The following ARSG variants were observed in gnomAD, a reference collection of about 807,000 sequenced individuals.
ARSG encodes the protein arylsulfatase G.
Under a neutral mutation model 50.5 loss-of-function variants are expected in ARSG, and 37 were observed. That is an observed-to-expected ratio of 0.73 (90% CI 0.56 to 0.96). The LOEUF (loss-of-function observed/expected upper bound fraction) is 0.96. Among genes scored for constraint, ARSG ranks in the 50% least tolerant of loss-of-function variants. ARSG has a pLI of 0.00. For missense variants in ARSG, 629 were observed against 675.3 expected, an observed-to-expected ratio of 0.93 and a Z score of 0.76; for synonymous variants, 225 against 254.6, an observed-to-expected ratio of 0.88 and a Z score of 1.11.
At chr17:68,437,012 A>ATGTGTG in the ARSG span, among the ~76,000 whole-genome samples, 11 of 82,074 alleles carry the variant, frequency 1.3e-4, no homozygotes, top group African/African-American at 5.3e-4. Context: ...AAAAATATAT[A>ATGTGTG]TATATGTGTG....
At chr17:68,389,489 G>A (rs2080891558) in intron 9 of ARSG, among the ~76,000 whole-genome samples, 1 of 152,116 alleles carries the variant, frequency 6.6e-6, no homozygotes, top group Non-Finnish European at 1.5e-5. Context: ...TTTTCTCGGG[G>A]ATAATGACAG....
At chr17:68,296,505 G>A (rs1407590429) in intron 1 of ARSG, among the ~76,000 whole-genome samples, 4 of 152,142 alleles carry the variant, frequency 2.6e-5, no homozygotes, top group Admixed American at 6.5e-5. Flanking sequence ...GAAACTACAA[G>A]GATGCTGCAG....
chr17:68,436,560 A>G, the ARSG span: 2 of 1,312,632 alleles, frequency 1.5e-6, no homozygotes, highest in South Asian at 2.5e-5. Flanking sequence ...TGAAAACAGT[A>G]CAGCTACAGT....
At chr17:68,424,251 C>T (rs2082997549), downstream of ARSG, among the ~76,000 whole-genome samples, 1 of 152,190 alleles carries the variant, frequency 6.6e-6, no homozygotes, top group African/African-American at 2.4e-5. Context: ...TCTCTGACAA[C>T]CTGCCTATTG....
intron 6 of ARSG, among the ~76,000 whole-genome samples, chr17:68,357,841 A>T (rs912675612): frequency 3.9e-5 from 6 of 152,162 alleles, no homozygotes; most frequent in Non-Finnish European, 7.4e-5. Context: ...ACATCTTTTC[A>T]TTTTACAACA....
chr17:68,331,773 T>G (rs914312035), intron 2 of ARSG, among the ~76,000 whole-genome samples: 9 of 152,054 alleles, frequency 5.9e-5, no homozygotes, highest in Non-Finnish European at 1.3e-4. Flanking sequence ...CAGAGAAATT[T>G]TAAAGCTGGG....
In ARSG at chr17:68,420,271, C is replaced by T. The variant is rs200226454; in HGVS notation, c.1386C>T (p.Thr462=). 1.4e-5 allele frequency: 22 copies of T among 1,613,960 alleles called. No homozygotes were observed. Among genetic ancestry groups the T allele is most frequent in the Middle Eastern group, 1.6e-4 (1 of 6,084 alleles). Residue 462 remains threonine, a synonymous_variant, in exon 12 of 12, where the codon ACC becomes ACT. Transcript: ENST00000621439. ...FPLIFNLEDD[T]AEAVPLERGG... ...TGATTTTCAACCTGGAAGACGATAC[C>T]GCAGAAGCTGTGCCCCTAGAAAGAG...
At chr17:68,299,418 G>A (rs977331804) in intron 1 of ARSG, among the ~76,000 whole-genome samples, 1 of 151,886 alleles carries the variant, frequency 6.6e-6, no homozygotes, top group South Asian at 2.1e-4. Flanking sequence ...AAAATGGAAC[G>A]TTGACACGTA....
rs548452963 is a variant in ARSG, at chr17:68,354,069, T to A, written c.566+2383T>A. Among the ~76,000 whole-genome samples the A allele has an allele frequency of 7.3e-5, 11 of 151,494 alleles. No individual in the cohort carries two copies. In the South Asian group the frequency reaches 2.3e-3, roughly 31 times the overall value. On this transcript the variant is annotated intron_variant, in intron 5 of 11. Transcript: ENST00000621439. ...CAATCCTGTTCCTTCTGTATTTTTT[T>A]ATTTTTATTTTTTAATTTTTAATCT...
chr17:68,340,649 C>G (rs2078228403), intron 2 of ARSG, among the ~76,000 whole-genome samples: 1 of 152,174 alleles, frequency 6.6e-6, no homozygotes, highest in Non-Finnish European at 1.5e-5. Flanking sequence ...GAAGTTGACT[C>G]TTGGGTCTTT....
the ARSG span, among the ~76,000 whole-genome samples, chr17:68,446,724 C>G: frequency 6.6e-6 from 1 of 152,202 alleles, no homozygotes; most frequent in East Asian, 1.9e-4. Flanking sequence ...GCCCCACACC[C>G]AATCCCTGGG....
At chr17:68,316,169 G>A (rs1281873220) in intron 2 of ARSG, among the ~76,000 whole-genome samples, 2 of 152,040 alleles carry the variant, frequency 1.3e-5, no homozygotes, top group Admixed American at 1.3e-4. Flanking sequence ...TCTTATTGGC[G>A]AGGTCTCTCC....
chr17:68,347,708 C>T (rs936504241), intron 4 of ARSG, among the ~76,000 whole-genome samples: 2 of 152,214 alleles, frequency 1.3e-5, no homozygotes, highest in Admixed American at 1.3e-4. Context: ...GTCCAATTCA[C>T]TGAATTACTG....
At chr17:68,283,905 C>T (rs1164902255) in intron 1 of ARSG, among the ~76,000 whole-genome samples, 1 of 148,018 alleles carries the variant, frequency 6.8e-6, no homozygotes, top group Non-Finnish European at 1.5e-5. Flanking sequence ...AAAGACCAGC[C>T]TGGCCAACAT....
intron 1 of ARSG, among the ~76,000 whole-genome samples, chr17:68,274,882 C>T (rs781945301): frequency 6.6e-6 from 1 of 151,488 alleles, no homozygotes; most frequent in South Asian, 2.1e-4. Context: ...CTGGGTTCAA[C>T]TGATTCTCCT....
the ARSG span, among the ~76,000 whole-genome samples, chr17:68,437,038 A>ATG: frequency 1.7e-5 from 2 of 119,186 alleles, no homozygotes; most frequent in Non-Finnish European, 3.7e-5. Context: ...GTGTGTGTGT[A>ATG]TATATTGCTC....
At chr17:68,375,759 G>T (rs1409072881) in intron 8 of ARSG, among the ~76,000 whole-genome samples, 1 of 152,126 alleles carries the variant, frequency 6.6e-6, no homozygotes, top group Non-Finnish European at 1.5e-5. Context: ...CCCGGGCAGG[G>T]GTGGGAACAT....
rs574962384 is a variant in ARSG, at chr17:68,401,284, A to C, written c.1213-76A>C. 50 of 1,312,852 alleles carry C rather than the reference A, an allele frequency of 3.8e-5. No individual in the cohort carries two copies. The East Asian group carries it at 1.1e-3, about 28-fold the overall frequency. The allele number at this position is 1,312,852 out of a possible 1,614,324, so 81.3% of individuals were successfully genotyped here. ...GTGATCCTCCTGCCTCGACCTCCCAAGGTATTGGGATTACAGGCATGAGTC... is the reference window on the plus strand; with the variant it reads ...GTGATCCTCCTGCCTCGACCTCCCACGGTATTGGGATTACAGGCATGAGTC... On this transcript the variant is annotated intron_variant, in intron 10 of 11. Coordinates refer to ENST00000621439, the MANE Select transcript of ARSG (RefSeq NM_001267727.2).
intron 1 of ARSG, among the ~76,000 whole-genome samples, chr17:68,262,523 A>C (rs1217991114): frequency 1.3e-5 from 2 of 150,814 alleles, no homozygotes; most frequent in Admixed American, 1.3e-4. Flanking sequence ...AGCAGAGGGA[A>C]AAGTAATAGT....
Sources: allele counts gnomAD v4.1 joint callset (sites outside exome capture counted in the v4.1 genomes callset), GRCh38; gene constraint gnomAD v4.1.1; transcripts MANE v1.5; gene names NCBI Gene and HGNC (gene_info 2026-07-23, HGNC 2026-07-21).